The following TPD52 variants were observed in gnomAD, a reference collection of about 807,000 sequenced individuals.
The protein encoded by TPD52 is prostate and colon associated protein.
In TPD52, 17 loss-of-function variants were observed where a neutral mutation model predicts 31.3. That is an observed-to-expected ratio of 0.54 (90% CI 0.37 to 0.82). The LOEUF (loss-of-function observed/expected upper bound fraction) is 0.82, where lower values mean the gene tolerates loss of function less well. TPD52 is among the 40% of genes least tolerant of loss of function. TPD52 has a pLI of 0.00. For missense variants in TPD52, 212 were observed against 240.1 expected, an observed-to-expected ratio of 0.88 and a Z score of 0.77; for synonymous variants, 83 against 89.6, an observed-to-expected ratio of 0.93 and a Z score of 0.42.
chr8:80,138,109 A>G (rs1171622925), intron 1 of TPD52, among the ~76,000 whole-genome samples: 6 of 151,916 alleles, frequency 3.9e-5, no homozygotes, highest in Admixed American at 3.3e-4. Flanking sequence ...ACGCCCGGCT[A>G]ATTTTGTATT....
chr8:80,059,968 C>A lies in TPD52; in HGVS notation c.135+4510G>T, dbSNP rs530274453. ...TGGTGGTGCACGCCTGTAGTCCCAG[C>A]TACCAGGGAGGCTGAGGTACAAGAA... On this transcript the variant is annotated intron_variant, in intron 2 of 7. Transcript: ENST00000518937. 5.3e-5 allele frequency among the ~76,000 whole-genome samples: 8 copies of A among 151,946 alleles called. No homozygotes were observed. In the South Asian group the frequency reaches 1.7e-3, roughly 32 times the overall value.
At chr8:80,079,438 C>T (rs1046036856) in intron 1 of TPD52, among the ~76,000 whole-genome samples, 3 of 152,180 alleles carry the variant, frequency 2.0e-5, no homozygotes, top group Non-Finnish European at 1.5e-5. Flanking sequence ...TCCCTACTGT[C>T]GGCAAATACA....
At chr8:80,069,205 T>G (rs1813483925) in intron 1 of TPD52, among the ~76,000 whole-genome samples, 1 of 152,244 alleles carries the variant, frequency 6.6e-6, no homozygotes, top group African/African-American at 2.4e-5. Flanking sequence ...GGTTCATACC[T>G]GTAATCCCAG....
At chr8:80,096,982 G>C (rs1014089063) in intron 1 of TPD52, among the ~76,000 whole-genome samples, 1 of 152,168 alleles carries the variant, frequency 6.6e-6, no homozygotes, top group East Asian at 1.9e-4. Flanking sequence ...AAACCAGACC[G>C]CCTGCACCTG....
intron 5 of TPD52, among the ~76,000 whole-genome samples, chr8:80,049,098 A>C (rs2130493010): frequency 6.6e-6 from 1 of 152,318 alleles, no homozygotes; most frequent in Non-Finnish European, 1.5e-5. Flanking sequence ...CTGAAGAAAC[A>C]TCATCCTCAA....
chr8:80,097,530 T>C (rs965217887), intron 1 of TPD52, among the ~76,000 whole-genome samples: 2 of 152,190 alleles, frequency 1.3e-5, no homozygotes. Context: ...TCAAGAGATC[T>C]GATTGTTTAA....
chr8:80,045,808 C>T (rs987424427), intron 5 of TPD52, among the ~76,000 whole-genome samples: 9 of 152,228 alleles, frequency 5.9e-5, no homozygotes, highest in African/African-American at 2.2e-4. Flanking sequence ...TTGTGCAACA[C>T]ATTCTTCTTT....
At chr8:80,161,734 T>TA (rs1563671618) in intron 1 of TPD52, among the ~76,000 whole-genome samples, 245 of 46,132 alleles carry the variant, frequency 5.3e-3, no homozygotes, top group Non-Finnish European at 8.0e-3. Flanking sequence ...ATATATATAT[T>TA]TTTTTTTTTT....
intron 1 of TPD52, among the ~76,000 whole-genome samples, chr8:80,152,610 A>G (rs1563664715): frequency 6.6e-6 from 1 of 151,910 alleles, no homozygotes; most frequent in Non-Finnish European, 1.5e-5. Flanking sequence ...GTGAAACCCC[A>G]TCTCTACTAA....
intron 1 of TPD52, among the ~76,000 whole-genome samples, chr8:80,100,019 C>A (rs1806621735): frequency 6.6e-6 from 1 of 152,180 alleles, no homozygotes; most frequent in Admixed American, 6.5e-5. Context: ...TCTAAGAAGG[C>A]AGGCATGGGC....
At chr8:80,077,316 A>C (rs1198046595) in intron 1 of TPD52, among the ~76,000 whole-genome samples, 1 of 152,054 alleles carries the variant, frequency 6.6e-6, no homozygotes, top group East Asian at 1.9e-4. Context: ...GATAGGTGCT[A>C]TGTAAATAAC....
chr8:80,147,854 A>C lies in TPD52; in HGVS notation c.19+23571T>G, dbSNP rs868044950. On this transcript the variant is annotated intron_variant, in intron 1 of 7. Transcript: ENST00000518937. ...CACACACACGCACACACACACACAC[A>C]CCCCCCACACCCCCTGTACTTTATT... Among the ~76,000 whole-genome samples the C allele has an allele frequency of 1.4e-3, 209 of 150,684 alleles. 1 individual carries two copies. Among genetic ancestry groups the C allele is most frequent in the African/African-American group, 2.4e-3 (97 of 41,006 alleles).
Position 80,053,085 on chromosome 8 carries a change from C to T in TPD52, c.284+197G>A, listed in dbSNP as rs542387387. The T allele has an allele frequency of 2.9e-5, 14 of 486,150 alleles. No homozygotes were observed. In the East Asian group the frequency reaches 2.9e-4, roughly 10 times the overall value. 30.1% of individuals were successfully genotyped at this position (486,150 alleles called of 1,614,324 possible). On this transcript the variant is annotated intron_variant, in intron 3 of 7. Transcript: ENST00000518937. ...CAACTGGCTAGCTTTCTTTCTATTCCTTAGAATAAGTGGTCTGGAAAAATT... is the reference window on the plus strand; with the variant it reads ...CAACTGGCTAGCTTTCTTTCTATTCTTTAGAATAAGTGGTCTGGAAAAATT...
At position 80,092,161 on chromosome 8, in the gene TPD52, T is replaced by C. The variant is rs1188190234; in HGVS notation, c.20-27568A>G. 9.2e-5 allele frequency among the ~76,000 whole-genome samples: 14 copies of C among 152,358 alleles called. No homozygotes were observed. The South Asian group carries it at 2.9e-3, about 32-fold the overall frequency. ...CTCGAGTATTCGTCATTTCTGTGTGTTGGCATTATTCCAAGTCCTCTTTTC... is the reference window on the plus strand; with the variant it reads ...CTCGAGTATTCGTCATTTCTGTGTGCTGGCATTATTCCAAGTCCTCTTTTC... On this transcript the variant is annotated intron_variant, in intron 1 of 7. Coordinates refer to ENST00000518937, the MANE Select transcript of TPD52 (RefSeq NM_001025253.3).
intron 1 of TPD52, among the ~76,000 whole-genome samples, chr8:80,165,965 A>G (rs769778374): frequency 6.6e-6 from 1 of 152,188 alleles, no homozygotes; most frequent in Non-Finnish European, 1.5e-5. Flanking sequence ...AATATTGTCT[A>G]TAACAGTATA....
intron 1 of TPD52, among the ~76,000 whole-genome samples, chr8:80,072,784 T>TACAC (rs760496029): frequency 1.2e-4 from 18 of 145,186 alleles, no homozygotes; most frequent in African/African-American, 3.9e-4. Flanking sequence ...TATATACACA[T>TACAC]ACACACACAC....
chr8:80,143,393 A>C (rs1468570667), intron 1 of TPD52, among the ~76,000 whole-genome samples: 1 of 152,214 alleles, frequency 6.6e-6, no homozygotes, highest in Admixed American at 6.5e-5. Flanking sequence ...ATAACCCTCA[A>C]CTTCACTGAT....
intron 2 of TPD52, among the ~76,000 whole-genome samples, chr8:80,053,966 T>C (rs1811616368): frequency 6.6e-6 from 1 of 152,178 alleles, no homozygotes; most frequent in Non-Finnish European, 1.5e-5. Flanking sequence ...AGTCCCTGTG[T>C]CTGGCAAAGT....
At chr8:80,164,840 G>A (rs1811603412) in intron 1 of TPD52, among the ~76,000 whole-genome samples, 1 of 130,332 alleles carries the variant, frequency 7.7e-6, no homozygotes, top group South Asian at 2.5e-4. Flanking sequence ...CAGAGATCAT[G>A]CCACTGCACT....
Sources: allele counts gnomAD v4.1 joint callset (sites outside exome capture counted in the v4.1 genomes callset), GRCh38; gene constraint gnomAD v4.1.1; transcripts MANE v1.5; gene names NCBI Gene and HGNC (gene_info 2026-07-23, HGNC 2026-07-21).